PTPRD: variants seen among roughly 807,000 people sequenced by gnomAD.
PTPRD encodes the protein receptor-type tyrosine-protein phosphatase delta.
PTPRD carries 34 observed loss-of-function variants against 214.5 expected under a neutral mutation model. The ratio of observed to expected loss-of-function variants is 0.16; its 90% CI spans 0.12 to 0.21. The LOEUF is 0.21. Ranked by LOEUF, PTPRD falls within the 10% of genes least tolerant of loss-of-function variation. The probability of loss-of-function intolerance (pLI) is 1.00; values close to 1 mark genes in which losing one functional copy is unlikely to be tolerated. For synonymous variants in PTPRD, 1,128 were observed against 845.7 expected (o/e 1.33, Z -5.79); for missense variants, 2,545 against 2,398.7 (o/e 1.06, Z -1.27).
intron 2 of PTPRD, among the ~76,000 whole-genome samples, chr9:10,527,158 A>T (rs901770827): frequency 2.6e-5 from 4 of 152,168 alleles, no homozygotes; most frequent in African/African-American, 9.6e-5. Context: ...GACAGAAACT[A>T]AGAATAAACA....
intron 5 of PTPRD, among the ~76,000 whole-genome samples, chr9:9,815,867 T>C (rs1245003370): frequency 1.3e-5 from 2 of 152,166 alleles, no homozygotes; most frequent in Non-Finnish European, 2.9e-5. Flanking sequence ...ATTTTTTACT[T>C]AAGATTTTCT....
chr9:8,769,786 T>C, intron 11 of PTPRD, among the ~76,000 whole-genome samples: 1 of 150,612 alleles, frequency 6.6e-6, no homozygotes, highest in Non-Finnish European at 1.5e-5. Flanking sequence ...TGCTTGTAAA[T>C]AGTTCAAAAT....
intron 7 of PTPRD, among the ~76,000 whole-genome samples, chr9:9,647,134 T>C (rs1238755965): frequency 1.3e-5 from 2 of 152,212 alleles, no homozygotes; most frequent in African/African-American, 2.4e-5. Flanking sequence ...ATCTACTATC[T>C]GATTCACCAT....
At chr9:8,595,523 T>C (rs1361882426) in intron 14 of PTPRD, among the ~76,000 whole-genome samples, 1 of 152,212 alleles carries the variant, frequency 6.6e-6, no homozygotes, top group Non-Finnish European at 1.5e-5. Flanking sequence ...TATATATGTA[T>C]GTATAGTCAC....
At chr9:10,094,552 T>TTTTTTTTTTTTG in intron 3 of PTPRD, among the ~76,000 whole-genome samples, 1 of 149,826 alleles carries the variant, frequency 6.7e-6, no homozygotes, top group African/African-American at 2.4e-5. Flanking sequence ...TTTTTTTTTT[T>TTTTTTTTTTTTG]TTTCTGAAAT....
At chr9:8,879,636 G>A (rs974307468) in intron 11 of PTPRD, among the ~76,000 whole-genome samples, 1 of 152,156 alleles carries the variant, frequency 6.6e-6, no homozygotes, top group East Asian at 1.9e-4. Flanking sequence ...TATCTTAAAC[G>A]TTTTGGAGGG....
intron 39 of PTPRD, among the ~76,000 whole-genome samples, chr9:8,373,866 C>G (rs1406232717): frequency 5.1e-3 from 47 of 9,220 alleles, no homozygotes; most frequent in African/African-American, 7.9e-3. Flanking sequence ...GTCTGTCTGT[C>G]TATCTATCTA....
At chr9:9,953,791 G>A (rs141415033) in intron 4 of PTPRD, among the ~76,000 whole-genome samples, 12 of 152,142 alleles carry the variant, frequency 7.9e-5, no homozygotes, top group African/African-American at 2.6e-4. Context: ...TCATGCTCAT[G>A]CTACATAGCT....
chr9:9,614,564 G>C (rs2094735209), intron 7 of PTPRD, among the ~76,000 whole-genome samples: 1 of 152,100 alleles, frequency 6.6e-6, no homozygotes, highest in Non-Finnish European at 1.5e-5. Context: ...CACCAGAAAG[G>C]TAAATTATGT....
rs545671255 is a variant in PTPRD, at chr9:9,455,699, A to G, written c.-236-58217T>C. 4.6e-5 allele frequency among the ~76,000 whole-genome samples: 7 copies of G among 151,800 alleles called. No individual in the cohort carries two copies. The South Asian group carries it at 1.5e-3, about 31-fold the overall frequency. The stretch of plus-strand genomic sequence containing the variant: ...AAGAAAATAATCCTGGAGTTTCTAG[A>G]TTGTTCAATATAAAGGGGCAAAAGC... On this transcript the variant is annotated intron_variant, in intron 8 of 45. Coordinates refer to ENST00000381196, the MANE Select transcript of PTPRD (RefSeq NM_002839.4).
At chr9:8,802,342 G>A (rs1274309904) in intron 11 of PTPRD, among the ~76,000 whole-genome samples, 2 of 152,110 alleles carry the variant, frequency 1.3e-5, no homozygotes, top group African/African-American at 4.8e-5. Context: ...GGATCCTGAG[G>A]TTGCTTCCCT....
chr9:9,627,683 T>TAG (rs141621432), intron 7 of PTPRD, among the ~76,000 whole-genome samples: 2,175 of 152,108 alleles, frequency 0.014, 51 homozygotes, highest in African/African-American at 0.05. Context: ...GAGACAGTGG[T>TAG]AGAGAGAGAG....
chr9:10,562,303 T>C (rs529695925), intron 2 of PTPRD, among the ~76,000 whole-genome samples: 1 of 151,918 alleles, frequency 6.6e-6, no homozygotes, highest in East Asian at 2.0e-4. Context: ...GGAGGGTTTC[T>C]TATAATGTAA....
At chr9:8,350,454 C>A (rs1031201284) in intron 39 of PTPRD, among the ~76,000 whole-genome samples, 1 of 152,106 alleles carries the variant, frequency 6.6e-6, no homozygotes, top group Non-Finnish European at 1.5e-5. Context: ...GGTATATGAA[C>A]TACAAGTATT....
intron 8 of PTPRD, among the ~76,000 whole-genome samples, chr9:9,486,361 C>G (rs569501494): frequency 2.4e-4 from 37 of 152,052 alleles, no homozygotes; most frequent in African/African-American, 8.7e-4. Flanking sequence ...ATACTATTCC[C>G]AAGGCAACAG....
At chr9:9,439,829 T>A (rs1471877088) in intron 8 of PTPRD, among the ~76,000 whole-genome samples, 1 of 152,230 alleles carries the variant, frequency 6.6e-6, no homozygotes, top group African/African-American at 2.4e-5. Flanking sequence ...AGGAAGTTGG[T>A]ACAATTTTTA....
At chr9:8,912,432 TA>T in intron 11 of PTPRD, among the ~76,000 whole-genome samples, 1 of 152,252 alleles carries the variant, frequency 6.6e-6, no homozygotes, top group East Asian at 1.9e-4. Flanking sequence ...TGACTCAGTT[TA>T]TATGAACTTT....
At chr9:9,139,859 G>A (rs1323591605) in intron 10 of PTPRD, among the ~76,000 whole-genome samples, 1 of 152,018 alleles carries the variant, frequency 6.6e-6, no homozygotes, top group Non-Finnish European at 1.5e-5. Flanking sequence ...CTACCCTTAG[G>A]GAGATGCATA....
At chr9:8,373,724 A>G (rs1382480951) in intron 39 of PTPRD, among the ~76,000 whole-genome samples, 1 of 150,834 alleles carries the variant, frequency 6.6e-6, no homozygotes, top group Non-Finnish European at 1.5e-5. Flanking sequence ...GCTTGCAAAC[A>G]TTTTTGTATC....
Sources: gnomAD v4.1 joint callset for allele counts (sites outside exome capture counted in the v4.1 genomes callset) on GRCh38, gnomAD v4.1.1 for gene constraint, MANE v1.5 for transcripts, NCBI Gene and HGNC (gene_info 2026-07-23, HGNC 2026-07-21) for gene names.